LOC400499: variants seen among roughly 807,000 people sequenced by gnomAD.
the LOC400499 span, among the ~76,000 whole-genome samples, chr16:11,450,403 A>G: frequency 1.3e-5 from 2 of 152,128 alleles, no homozygotes; most frequent in Non-Finnish European, 1.5e-5. Context: ...GGGATGTGGG[A>G]AATCTAGATT....
At chr16:11,405,335 A>G in the LOC400499 span, among the ~76,000 whole-genome samples, 4 of 152,210 alleles carry the variant, frequency 2.6e-5, no homozygotes, top group Non-Finnish European at 4.4e-5. Context: ...GCCAGTGCTG[A>G]GTGCCTGGGT....
At chr16:11,386,644 G>A in the LOC400499 span, among the ~76,000 whole-genome samples, 1 of 152,218 alleles carries the variant, frequency 6.6e-6, no homozygotes, top group African/African-American at 2.4e-5. Flanking sequence ...TCACGGTGGA[G>A]CAAATAGAGT....
At chr16:11,463,000 C>T in the LOC400499 span, among the ~76,000 whole-genome samples, 4 of 152,190 alleles carry the variant, frequency 2.6e-5, no homozygotes, top group South Asian at 4.1e-4. Context: ...AATCTCCACA[C>T]GGCAACCAGA....
chr16:11,457,591 C>CAA, the LOC400499 span, among the ~76,000 whole-genome samples: 929 of 96,992 alleles, frequency 9.6e-3, 17 homozygotes, highest in African/African-American at 0.032. Flanking sequence ...GACTCCATCT[C>CAA]AAAAAAAAAA....
the LOC400499 span, among the ~76,000 whole-genome samples, chr16:11,505,833 A>AT: frequency 5.9e-5 from 9 of 152,086 alleles, no homozygotes; most frequent in Admixed American, 5.9e-4. Flanking sequence ...TCAAATCAGG[A>AT]TAATTGCGAT....
chr16:11,460,107 C>T, the LOC400499 span: 2 of 1,295,516 alleles, frequency 1.5e-6, no homozygotes, highest in Admixed American at 7.0e-5. Flanking sequence ...CCACCCAGTC[C>T]CTGGGCCTCC....
the LOC400499 span, among the ~76,000 whole-genome samples, chr16:11,409,176 G>C: frequency 6.6e-6 from 1 of 152,068 alleles, no homozygotes; most frequent in African/African-American, 2.4e-5. Context: ...CAGGAGAATT[G>C]CATAAGCCCA....
the LOC400499 span, chr16:11,461,214 G>A: frequency 7.0e-7 from 1 of 1,423,876 alleles, no homozygotes; most frequent in South Asian, 1.4e-5. Flanking sequence ...ATCACCGAGG[G>A]GCCTTGGGGT....
the LOC400499 span, among the ~76,000 whole-genome samples, chr16:11,466,048 T>C: frequency 6.6e-6 from 1 of 151,950 alleles, no homozygotes; most frequent in African/African-American, 2.4e-5. Flanking sequence ...AACTCAAGAG[T>C]CCTTCATTAT....
the LOC400499 span, among the ~76,000 whole-genome samples, chr16:11,382,766 TGC>T: frequency 6.6e-6 from 1 of 152,042 alleles, no homozygotes; most frequent in Non-Finnish European, 1.5e-5. Context: ...GCCGAGATTG[TGC>T]CACTGCACTC....
the LOC400499 span, chr16:11,460,528 C>T: frequency 6.5e-7 from 1 of 1,535,058 alleles, no homozygotes; most frequent in East Asian, 2.4e-5. Flanking sequence ...GGCGCAGCTC[C>T]AGCCTGTAGG....
chr16:11,519,109 C>A, the LOC400499 span: 1 of 396,940 alleles, frequency 2.5e-6, no homozygotes, highest in Non-Finnish European at 4.4e-6. Flanking sequence ...AGACCCCTCC[C>A]TTGACCAGGT....
chr16:11,520,690 A>AT, the LOC400499 span, among the ~76,000 whole-genome samples: 1 of 147,654 alleles, frequency 6.8e-6, no homozygotes, highest in Admixed American at 6.7e-5. Flanking sequence ...AAAAAAAAAA[A>AT]AGTTGTACCC....
chr16:11,411,947 C>G, the LOC400499 span, among the ~76,000 whole-genome samples: 1 of 151,898 alleles, frequency 6.6e-6, no homozygotes, highest in East Asian at 1.9e-4. Flanking sequence ...ACTGCAGCTT[C>G]GATCTCCCAG....
chr16:11,514,274 C>G, the LOC400499 span: 1 of 398,696 alleles, frequency 2.5e-6, no homozygotes, highest in Non-Finnish European at 4.4e-6. Flanking sequence ...GACAGAGGAA[C>G]GGAACCTGGG....
chr16:11,527,452 G>C, the LOC400499 span, among the ~76,000 whole-genome samples: 5 of 152,254 alleles, frequency 3.3e-5, no homozygotes, highest in South Asian at 1.0e-3. Context: ...AAAGGAGCTT[G>C]ACTACTCTCC....
At chr16:11,475,766 T>C in the LOC400499 span, 5 of 397,880 alleles carry the variant, frequency 1.3e-5, no homozygotes, top group African/African-American at 4.1e-5. Context: ...ATTCATTCAT[T>C]AGACAAGTAA....
At chr16:11,395,320 G>A in the LOC400499 span, among the ~76,000 whole-genome samples, 1 of 152,198 alleles carries the variant, frequency 6.6e-6, no homozygotes, top group Non-Finnish European at 1.5e-5. Flanking sequence ...ACAGACCCCA[G>A]AATGGACCAA....
At chr16:11,434,320 A>C in the LOC400499 span, among the ~76,000 whole-genome samples, 2 of 152,208 alleles carry the variant, frequency 1.3e-5, no homozygotes, top group Admixed American at 1.3e-4. Flanking sequence ...CCAGGAGTTC[A>C]AGACCAGCCT....
Sources: allele counts gnomAD v4.1 joint callset (sites outside exome capture counted in the v4.1 genomes callset), GRCh38; gene constraint gnomAD v4.1.1; transcripts MANE v1.5.